The following PCDHGB1 variants were observed in gnomAD, a reference collection of about 807,000 sequenced individuals.
PCDHGB1 encodes protocadherin gamma subfamily B, 1.
In PCDHGB1, 34 loss-of-function variants were observed where a neutral mutation model predicts 56.6. The ratio of observed to expected loss-of-function variants is 0.60; its 90% CI spans 0.46 to 0.80. The LOEUF (loss-of-function observed/expected upper bound fraction) is 0.80, where lower values mean the gene tolerates loss of function less well. Among genes scored for constraint, PCDHGB1 ranks in the 30% least tolerant of loss-of-function variants. The probability of loss-of-function intolerance (pLI) is 0.00; values close to 1 mark genes in which losing one functional copy is unlikely to be tolerated. For missense variants in PCDHGB1, 1,278 were observed against 1,204.6 expected, an observed-to-expected ratio of 1.06 and a Z score of -0.90; for synonymous variants, 561 against 505.9, an observed-to-expected ratio of 1.11 and a Z score of -1.46.
Position 141,490,320 on chromosome 5 carries a change from A to G in PCDHGB1, c.2410-4487A>G. The G allele has an allele frequency of 6.2e-7, 1 of 1,614,228 alleles. No individual in the cohort carries two copies. The highest frequency in any genetic ancestry group is 1.1e-5 in the South Asian group (1 of 91,088). ...TGGCCTCTTTGGCCAACCCTGTCCT[A>G]GAGAGCACACCAGTGGGCACAGTAG... On this transcript the variant is annotated intron_variant, in intron 1 of 3. Transcript: ENST00000523390. The surrounding 1 kb of genome is among the most constrained non-coding windows in gnomAD (Gnocchi z 5.4).
chr5:141,404,833 C>G (rs754055876), intron 1 of PCDHGB1: 1 of 1,613,844 alleles, frequency 6.2e-7, no homozygotes, highest in Admixed American at 1.7e-5. Flanking sequence ...GTGAAGTGCG[C>G]ACAGCTCGGG....
chr5:141,426,733 G>A (rs62378459), intron 1 of PCDHGB1: 13,670 of 449,336 alleles, frequency 0.03, 288 homozygotes, highest in Middle Eastern at 0.11. Context: ...CCAGGCATTC[G>A]GTTTGGCCTG....
chr5:141,487,831 A>T lies in PCDHGB1; in HGVS notation c.2410-6976A>T. 2 of 1,144,322 alleles carry T rather than the reference A, an allele frequency of 1.7e-6. No individual in the cohort carries two copies. Among genetic ancestry groups the T allele is most frequent in the Non-Finnish European group, 2.4e-6 (2 of 818,294 alleles). 70.9% of individuals were successfully genotyped at this position (1,144,322 alleles called of 1,614,324 possible). ...TTAGCATTGGGGGCGGGTCATGCCT[A>T]TATCTGAGTAAGAAATGAAAGTAAT... On this transcript the variant is annotated intron_variant, in intron 1 of 3. Transcript: ENST00000523390. The surrounding 1 kb of genome is among the most constrained non-coding windows in gnomAD (Gnocchi z 5.0).
chr5:141,403,512 A>G (rs751429629), intron 1 of PCDHGB1: 2 of 1,614,020 alleles, frequency 1.2e-6, no homozygotes, highest in Non-Finnish European at 1.7e-6. Context: ...ACTGGAGACA[A>G]TGGAGCCATA....
In PCDHGB1 at chr5:141,385,469, C is replaced by T. The variant is rs536184133; in HGVS notation, c.2409+32800C>T. 3.5e-5 allele frequency: 50 copies of T among 1,439,702 alleles called. No homozygotes were observed. In the South Asian group the frequency reaches 7.4e-4, roughly 21 times the overall value. The allele number at this position is 1,439,702 out of a possible 1,614,324, so 89.2% of individuals were successfully genotyped here. ...GTTTACCAGTTTCCTTCAGTGGTGA[C>T]ACTTTAATATAGAACACATAGGATA... On this transcript the variant is annotated intron_variant, in intron 1 of 3. Transcript: ENST00000523390.
At chr5:141,433,211 T>TC in intron 1 of PCDHGB1, 1 of 1,568,160 alleles carries the variant, frequency 6.4e-7, no homozygotes, top group Non-Finnish European at 8.6e-7. Context: ...CTTCTTTCTT[T>TC]TTTTTTTTTA....
At chr5:141,504,429 G>T (rs947508365) in intron 2 of PCDHGB1, among the ~76,000 whole-genome samples, 1 of 152,124 alleles carries the variant, frequency 6.6e-6, no homozygotes, top group Non-Finnish European at 1.5e-5. Context: ...CACTACAACA[G>T]CTGCAGTGTG....
chr5:141,372,272 G>A (rs1220492258), intron 1 of PCDHGB1: 1 of 1,613,124 alleles, frequency 6.2e-7, no homozygotes, highest in South Asian at 1.1e-5. Flanking sequence ...CGGGTGAGGT[G>A]CGCACGGCGC....
chr5:141,470,490 A>C (rs1193023083), intron 1 of PCDHGB1, among the ~76,000 whole-genome samples: 1 of 152,202 alleles, frequency 6.6e-6, no homozygotes, highest in African/African-American at 2.4e-5. Context: ...TCTGGGAATA[A>C]TATTAGGTAA....
At chr5:141,404,108 A>G (rs537875169) in intron 1 of PCDHGB1, 22 of 1,613,436 alleles carry the variant, frequency 1.4e-5, no homozygotes, top group South Asian at 6.6e-5. Context: ...TGTCTGTTCT[A>G]TCCAGGAGAA....
At chr5:141,426,010 C>T (rs2096909211) in intron 1 of PCDHGB1, among the ~76,000 whole-genome samples, 1 of 152,178 alleles carries the variant, frequency 6.6e-6, no homozygotes, top group Non-Finnish European at 1.5e-5. Flanking sequence ...CTTCCGGCTG[C>T]AGTTTTCTAA....
At chr5:141,495,463 G>T (rs1562169154) in intron 2 of PCDHGB1, among the ~76,000 whole-genome samples, 1 of 152,114 alleles carries the variant, frequency 6.6e-6, no homozygotes, top group Non-Finnish European at 1.5e-5. Context: ...TCTGTCTGTG[G>T]GGTCTCCGTG....
At chr5:141,371,323 A>C in intron 1 of PCDHGB1, 5 of 1,614,012 alleles carry the variant, frequency 3.1e-6, no homozygotes, top group Non-Finnish European at 4.2e-6. Flanking sequence ...CTGGACTTTG[A>C]AGAGAGAGAT....
At chr5:141,376,228 A>G (rs762009445) in intron 1 of PCDHGB1, 17 of 1,613,956 alleles carry the variant, frequency 1.1e-5, no homozygotes, top group Admixed American at 3.3e-5. Context: ...TGGCGCTCAG[A>G]CTGCAGCGCT....
intron 1 of PCDHGB1, chr5:141,357,417 C>G: frequency 1.2e-6 from 2 of 1,614,254 alleles, no homozygotes; most frequent in Non-Finnish European, 1.7e-6. Flanking sequence ...CTGCCTCGCA[C>G]TTTGTGGGCG....
In PCDHGB1 at chr5:141,490,654, C is replaced by A; in HGVS notation, c.2410-4153C>A. On this transcript the variant is annotated intron_variant, in intron 1 of 3. Transcript: ENST00000523390. The surrounding 1 kb of genome is among the most constrained non-coding windows in gnomAD (Gnocchi z 5.4). ...CCTAGAAAACCGGCCTCCGGGCTCC[C>A]TTCTTTGCACTGTGGCTGCCTCAGA... 6.2e-7 allele frequency: 1 copy of A among 1,614,206 alleles called. No individual in the cohort carries two copies. Among genetic ancestry groups the A allele is most frequent in the Non-Finnish European group, 8.5e-7 (1 of 1,180,014 alleles).
intron 1 of PCDHGB1, chr5:141,403,037 A>G (rs1561685258): frequency 9.3e-6 from 15 of 1,613,972 alleles, no homozygotes; most frequent in South Asian, 5.5e-5. Flanking sequence ...GGCCAGGGCC[A>G]GTCAGATTCG....
In PCDHGB1 at chr5:141,476,533, A is replaced by G; in HGVS notation, c.2410-18274A>G. 6.2e-7 allele frequency: 1 copy of G among 1,614,184 alleles called. No individual in the cohort carries two copies. Among genetic ancestry groups the G allele is most frequent in the Non-Finnish European group, 8.5e-7 (1 of 1,180,022 alleles). On this transcript the variant is annotated intron_variant, in intron 1 of 3. Transcript: ENST00000523390. The surrounding 1 kb of genome is among the most constrained non-coding windows in gnomAD (Gnocchi z 7.6). ...ACAATCCTGCTTTCCCTACCCAGGA[A>G]ATGAAATTGGAGATTAGCGAGGCCG...
chr5:141,376,027 C>A (rs750383085), intron 1 of PCDHGB1: 30 of 1,613,250 alleles, frequency 1.9e-5, no homozygotes, highest in Non-Finnish European at 2.5e-5. Context: ...CCGTCCAGGA[C>A]CACGGCCAGC....
Sources: gnomAD v4.1 joint callset for allele counts (sites outside exome capture counted in the v4.1 genomes callset) on GRCh38, gnomAD v4.1.1 for gene constraint, Gnocchi (gnomAD v3.1) non-coding constraint, MANE v1.5 for transcripts, NCBI Gene and HGNC (gene_info 2026-07-23, HGNC 2026-07-21) for gene names.